CTNNA2: variants seen among roughly 807,000 people sequenced by gnomAD.
CTNNA2 encodes the protein catenin alpha-2.
Under a neutral mutation model 101.0 loss-of-function variants are expected in CTNNA2, and 42 were observed. The observed-to-expected ratio is 0.42, with a 90% confidence interval of 0.32 to 0.54. The LOEUF (loss-of-function observed/expected upper bound fraction) is 0.54, where lower values mean the gene tolerates loss of function less well. Among genes scored for constraint, CTNNA2 ranks in the 20% least tolerant of loss-of-function variants. CTNNA2 has a pLI of 0.14. For missense variants in CTNNA2, 871 were observed against 1,223.1 expected (o/e 0.71, Z 4.29); for synonymous variants, 450 against 456.4 (o/e 0.99, Z 0.18).
intron 9 of CTNNA2, among the ~76,000 whole-genome samples, chr2:80,529,042 G>A (rs768028867): frequency 6.6e-6 from 1 of 152,170 alleles, no homozygotes; most frequent in Admixed American, 6.5e-5. Context: ...GAGCAGAGAT[G>A]GCTTCCTTGA....
At chr2:79,412,109 A>G (rs1324159039) in intron 4 of CTNNA2, among the ~76,000 whole-genome samples, 7 of 152,112 alleles carry the variant, frequency 4.6e-5, no homozygotes, top group African/African-American at 1.7e-4. Flanking sequence ...TCTCTGATAA[A>G]ACAGACTTTA....
chr2:79,882,766 G>A (rs1457875737), intron 6 of CTNNA2, among the ~76,000 whole-genome samples: 3 of 152,246 alleles, frequency 2.0e-5, no homozygotes, highest in African/African-American at 7.2e-5. Flanking sequence ...GCTTAAGCAG[G>A]TTCCAGCTGA....
At chr2:79,669,904 G>A (rs1682709757) in intron 2 of CTNNA2, among the ~76,000 whole-genome samples, 1 of 152,186 alleles carries the variant, frequency 6.6e-6, no homozygotes, top group Non-Finnish European at 1.5e-5. Context: ...CTCCACTCCT[G>A]TCAGTGGGAC....
chr2:80,593,301 A>C (rs1696669505), intron 15 of CTNNA2, among the ~76,000 whole-genome samples: 3 of 152,040 alleles, frequency 2.0e-5, no homozygotes, highest in Admixed American at 1.3e-4. Flanking sequence ...AGGAAGACTC[A>C]AACTTCTGAC....
intron 7 of CTNNA2, among the ~76,000 whole-genome samples, chr2:80,251,130 G>A (rs557715460): frequency 2.6e-5 from 4 of 152,126 alleles, no homozygotes; most frequent in African/African-American, 4.8e-5. Context: ...CTTCCCACAC[G>A]TTTATGGACA....
At chr2:79,952,305 AC>A (rs750304052) in intron 7 of CTNNA2, among the ~76,000 whole-genome samples, 29 of 152,098 alleles carry the variant, frequency 1.9e-4, no homozygotes, top group Non-Finnish European at 3.2e-4. Flanking sequence ...GCCAGTCCAA[AC>A]CCAAATAAAC....
intron 7 of CTNNA2, among the ~76,000 whole-genome samples, chr2:80,178,852 T>C (rs896442080): frequency 6.6e-6 from 1 of 152,172 alleles, no homozygotes; most frequent in Non-Finnish European, 1.5e-5. Context: ...AAGTAGAAGG[T>C]CCCTGAATTT....
At chr2:80,383,543 A>G (rs1196443723) in intron 7 of CTNNA2, among the ~76,000 whole-genome samples, 1 of 152,188 alleles carries the variant, frequency 6.6e-6, no homozygotes, top group Non-Finnish European at 1.5e-5. Flanking sequence ...CACTACCTAC[A>G]TGAAAGATGT....
At chr2:79,508,156 G>C (rs1425390108), upstream of CTNNA2, among the ~76,000 whole-genome samples, 1 of 152,144 alleles carries the variant, frequency 6.6e-6, no homozygotes, top group Non-Finnish European at 1.5e-5. Context: ...GCTCCAGCAA[G>C]TATAATCATA....
At chr2:80,276,991 T>A (rs1673959163) in intron 7 of CTNNA2, among the ~76,000 whole-genome samples, 1 of 152,142 alleles carries the variant, frequency 6.6e-6, no homozygotes. Flanking sequence ...CAGTTGTAGG[T>A]CTCAGGGCCA....
rs568457538 is a variant in CTNNA2, at chr2:80,011,552, G to A, written c.1056+101755G>A. ...AAAAAAAGAACATCAACATTCTAGC[G>A]CTAGTTCTGCCAGGAACTAGGGAGA... On this transcript the variant is annotated intron_variant, in intron 7 of 18. Coordinates refer to ENST00000402739, the MANE Select transcript of CTNNA2 (RefSeq NM_001282597.3). Among the ~76,000 whole-genome samples the A allele has an allele frequency of 1.7e-3, 257 of 152,000 alleles. 2 individuals carry two copies. The highest frequency in any genetic ancestry group is 5.8e-3 in the African/African-American group (239 of 41,504).
At chr2:80,624,851 C>G (rs917598639) in intron 18 of CTNNA2, among the ~76,000 whole-genome samples, 1 of 151,860 alleles carries the variant, frequency 6.6e-6, no homozygotes, top group African/African-American at 2.4e-5. Flanking sequence ...ATATATGTAT[C>G]TATATCTAGG....
At chr2:79,897,735 T>C (rs901268725) in intron 6 of CTNNA2, among the ~76,000 whole-genome samples, 2 of 152,296 alleles carry the variant, frequency 1.3e-5, no homozygotes, top group Non-Finnish European at 1.5e-5. Flanking sequence ...GAATGGGTAA[T>C]TTACAAAGAG....
chr2:79,209,281 A>T (rs1339594889), intron 2 of CTNNA2, among the ~76,000 whole-genome samples: 3 of 152,222 alleles, frequency 2.0e-5, no homozygotes, highest in Non-Finnish European at 4.4e-5. Flanking sequence ...TGGTTACAAG[A>T]TTCTAGCTTT....
intron 1 of CTNNA2, among the ~76,000 whole-genome samples, chr2:79,623,125 A>C (rs549664278): frequency 6.6e-6 from 1 of 152,324 alleles, no homozygotes; most frequent in African/African-American, 2.4e-5. Flanking sequence ...ATAGTCTATC[A>C]GCATTTTTTG....
intron 4 of CTNNA2, among the ~76,000 whole-genome samples, chr2:79,428,225 T>G (rs1213860391): frequency 1.3e-5 from 2 of 152,138 alleles, no homozygotes; most frequent in Non-Finnish European, 2.9e-5. Context: ...GTTTTCAATA[T>G]TTTCCTCAAT....
chr2:79,988,466 ATGTGTGTGTGTGTGTGTGTG>A (rs70940067), intron 7 of CTNNA2, among the ~76,000 whole-genome samples: 2 of 149,026 alleles, frequency 1.3e-5, no homozygotes. Flanking sequence ...GTGTATGTGT[ATGTGTGTGTGTGTGTGTGTG>A]TGTGTGTGTG....
At chr2:79,868,015 A>G (rs1373255612) in intron 4 of CTNNA2, among the ~76,000 whole-genome samples, 1 of 152,204 alleles carries the variant, frequency 6.6e-6, no homozygotes, top group Non-Finnish European at 1.5e-5. Context: ...GATTCTCTTT[A>G]AACTATAACA....
At chr2:80,007,187 T>C (rs1693431140) in intron 7 of CTNNA2, among the ~76,000 whole-genome samples, 1 of 152,172 alleles carries the variant, frequency 6.6e-6, no homozygotes, top group African/African-American at 2.4e-5. Flanking sequence ...GCAGTGGGGA[T>C]GGTTACATCT....
Sources: gnomAD v4.1 joint callset for allele counts (sites outside exome capture counted in the v4.1 genomes callset) on GRCh38, gnomAD v4.1.1 for gene constraint, MANE v1.5 for transcripts, NCBI Gene and HGNC (gene_info 2026-07-23, HGNC 2026-07-21) for gene names.